GKAP1: variants seen among roughly 807,000 people sequenced by gnomAD.
GKAP1 encodes the protein G kinase anchoring protein 1.
In GKAP1, 31 loss-of-function variants were observed where a neutral mutation model predicts 56.7. The ratio of observed to expected loss-of-function variants is 0.55; its 90% confidence interval spans 0.41 to 0.74. GKAP1 has a LOEUF of 0.74. Ranked by LOEUF, GKAP1 falls within the 30% of genes least tolerant of loss-of-function variation. GKAP1 has a pLI of 0.00. For missense variants in GKAP1, 364 were observed against 402.3 expected, an observed-to-expected ratio of 0.90 and a Z score of 0.82; for synonymous variants, 151 against 138.6, an observed-to-expected ratio of 1.09 and a Z score of -0.63.
rs1284395004 is a variant in GKAP1 at position 83,768,820 on chromosome 9, G to C, written c.736C>G (p.Gln246Glu). 6.2e-7 allele frequency: 1 copy of C among 1,608,566 alleles called. No homozygotes were observed. The highest frequency in any genetic ancestry group is 1.3e-5 in the African/African-American group (1 of 74,652). ...TDNCTAHEHN[Q>E]EVVLKDGRIE... Reference sequence around the variant, plus strand: ...AGAGAATTTTCTACTTTACATGCCTGGTTGTGTTCATGAGCTGTACAATTA... The same window carrying C: ...AGAGAATTTTCTACTTTACATGCCTCGTTGTGTTCATGAGCTGTACAATTA... Residue 246 changes from glutamine (Q) to glutamate (E), a missense_variant and splice_region_variant, in exon 8 of 13, where the codon CAG (glutamine) becomes GAG (glutamate). Transcript: ENST00000376371.
Position 83,753,277 on chromosome 9 carries a change from T to C in GKAP1, c.821A>G (p.Asn274Ser). 6.2e-7 allele frequency: 1 copy of C among 1,602,430 alleles called. No individual in the cohort carries two copies. The highest frequency in any genetic ancestry group is 8.5e-7 in the Non-Finnish European group (1 of 1,170,076). ...ACAAACCTCCCATTGAGTGATTACA[T>C]TTTTCAGCTTCTGGATTTCAGCATC... ...RKDAEIQKLK[N>S]VITQWEAKYK... Residue 274 changes from asparagine to serine, a missense_variant, in exon 9 of 13, where the codon AAT (asparagine) becomes AGT (serine). Physicochemically the swap from Asn to Ser is conservative, Grantham distance 46. Transcript: ENST00000376371.
At chr9:83,786,177 T>C (rs950005636) in intron 5 of GKAP1, among the ~76,000 whole-genome samples, 2 of 152,160 alleles carry the variant, frequency 1.3e-5, no homozygotes, top group Non-Finnish European at 2.9e-5. Context: ...TATGTCTCCC[T>C]CCACTACACT....
chr9:83,739,792 T>C (rs1943176720), intron 12 of GKAP1, 48 bp from the exon 13 acceptor site: 1 of 1,456,764 alleles, frequency 6.9e-7, no homozygotes, highest in Non-Finnish European at 9.5e-7. Flanking sequence ...ACATACCATT[T>C]TGGGACCACT....
chr9:83,775,549 A>T (rs983097840), intron 7 of GKAP1, among the ~76,000 whole-genome samples: 1 of 152,068 alleles, frequency 6.6e-6, no homozygotes, highest in Non-Finnish European at 1.5e-5. Flanking sequence ...GCCTTGGCAG[A>T]TGTTAAAAAG....
At chr9:83,785,172 T>C (rs1293377302) in intron 5 of GKAP1, among the ~76,000 whole-genome samples, 7 of 152,174 alleles carry the variant, frequency 4.6e-5, no homozygotes, top group Non-Finnish European at 1.0e-4. Context: ...TGGTCTCTGA[T>C]ACTAAAGTTA....
At chr9:83,765,018 CAT>C (rs981286943) in intron 8 of GKAP1, among the ~76,000 whole-genome samples, 3 of 152,288 alleles carry the variant, frequency 2.0e-5, no homozygotes, top group African/African-American at 7.2e-5. Context: ...GTCTCCAAGG[CAT>C]GTCAGAGACC....
intron 3 of GKAP1, among the ~76,000 whole-genome samples, chr9:83,805,817 G>A (rs772425926): frequency 4.6e-5 from 7 of 152,084 alleles, no homozygotes; most frequent in Admixed American, 1.3e-4. Flanking sequence ...CAGAAAAAAC[G>A]TACTTTAAAA....
intron 9 of GKAP1, among the ~76,000 whole-genome samples, chr9:83,749,617 C>T (rs1176743256): frequency 6.6e-6 from 1 of 152,064 alleles, no homozygotes; most frequent in Non-Finnish European, 1.5e-5. Flanking sequence ...CTAAAGAAAA[C>T]ATTAATATAA....
At chr9:83,762,397 TGAA>T (rs1421395684) in intron 8 of GKAP1, among the ~76,000 whole-genome samples, 5 of 151,858 alleles carry the variant, frequency 3.3e-5, no homozygotes, top group Non-Finnish European at 7.4e-5. Flanking sequence ...TGAACAAAAC[TGAA>T]GAAGAGATGA....
intron 12 of GKAP1, among the ~76,000 whole-genome samples, chr9:83,741,025 A>G (rs909382084): frequency 3.3e-5 from 5 of 152,186 alleles, no homozygotes; most frequent in Admixed American, 6.5e-5. Context: ...ATTAAAAACA[A>G]GATTTATTTC....
chr9:83,756,510 A>G (rs1943480225), intron 8 of GKAP1, among the ~76,000 whole-genome samples: 1 of 114,538 alleles, frequency 8.7e-6, no homozygotes, highest in African/African-American at 2.8e-5. Context: ...AAACAAAAAG[A>G]ATTAATGTCC....
chr9:83,741,806 T>C (rs530005271), intron 12 of GKAP1, 146 bp downstream of exon 12: 140 of 597,600 alleles, frequency 2.3e-4, no homozygotes, highest in South Asian at 4.5e-4. Flanking sequence ...TTCTACATTG[T>C]AAATTATATG....
chr9:83,800,404 G>A (rs922963733), intron 3 of GKAP1, among the ~76,000 whole-genome samples: 6 of 142,086 alleles, frequency 4.2e-5, no homozygotes, highest in East Asian at 2.1e-4. Context: ...GCACAATCTC[G>A]CTCACTGTAA....
intron 8 of GKAP1, among the ~76,000 whole-genome samples, chr9:83,759,543 G>T (rs1334486810): frequency 4.6e-5 from 7 of 152,002 alleles, no homozygotes; most frequent in Admixed American, 4.6e-4. Flanking sequence ...CATCCATGTT[G>T]CTATGTATAA....
intron 3 of GKAP1, among the ~76,000 whole-genome samples, chr9:83,805,571 GTTAA>G (rs1321839318): frequency 4.0e-5 from 6 of 151,844 alleles, no homozygotes; most frequent in Admixed American, 6.6e-5. Flanking sequence ...ACTGCTCATG[GTTAA>G]TTTTTTTTAA....
chr9:83,775,874 CAAAAAA>C (rs55669011), intron 7 of GKAP1, among the ~76,000 whole-genome samples: 10 of 43,710 alleles, frequency 2.3e-4, no homozygotes, highest in South Asian at 1.3e-3. Context: ...GACTCTGTCT[CAAAAAA>C]AAAAAAAAAA....
At chr9:83,803,327 C>T (rs1166625693) in intron 3 of GKAP1, among the ~76,000 whole-genome samples, 1 of 151,882 alleles carries the variant, frequency 6.6e-6, no homozygotes, top group Admixed American at 6.6e-5. Context: ...GTACTGCTGC[C>T]ATCTCGGCTC....
intron 8 of GKAP1, among the ~76,000 whole-genome samples, chr9:83,763,180 C>A (rs963537396): frequency 3.3e-5 from 5 of 152,128 alleles, no homozygotes; most frequent in African/African-American, 1.2e-4. Context: ...ATAAGCCAGG[C>A]ACAGAAAGGC....
chr9:83,806,625 A>G, intron 2 of GKAP1, 65 bp from the exon 3 acceptor site: 1 of 887,146 alleles, frequency 1.1e-6, no homozygotes, highest in Non-Finnish European at 1.7e-6. Context: ...TGTAGATTCT[A>G]AAACAACCAT....
Sources: gnomAD v4.1 joint callset for allele counts (sites outside exome capture counted in the v4.1 genomes callset) on GRCh38, gnomAD v4.1.1 for gene constraint, MANE v1.5 for transcripts, NCBI Gene and HGNC (gene_info 2026-07-23, HGNC 2026-07-21) for gene names.